Variants in ARIH2 observed in about 807,000 individuals in gnomAD.
ARIH2 encodes E3 ubiquitin-protein ligase ARIH2.
ARIH2 carries 12 observed loss-of-function variants against 79.8 expected under a neutral mutation model. The observed-to-expected ratio is 0.15, with a 90% CI of 0.10 to 0.24. ARIH2 has a LOEUF of 0.24. ARIH2 is among the 10% of genes least tolerant of loss of function. ARIH2 has a pLI of 1.00. For synonymous variants in ARIH2, 224 were observed against 213.9 expected, an observed-to-expected ratio of 1.05 and a Z score of -0.41; for missense variants, 301 against 618.3, an observed-to-expected ratio of 0.49 and a Z score of 5.44.
At chr3:48,945,569 A>G (rs2089006000) in intron 3 of ARIH2, among the ~76,000 whole-genome samples, 1 of 152,072 alleles carries the variant, frequency 6.6e-6, no homozygotes, top group Admixed American at 6.6e-5. Context: ...CCTAAATGTC[A>G]TATGTGCTTA....
chr3:48,969,669 G>A (rs1334543228), intron 7 of ARIH2, among the ~76,000 whole-genome samples: 2 of 151,650 alleles, frequency 1.3e-5, no homozygotes, highest in Non-Finnish European at 2.9e-5. Context: ...TGTATTTTTC[G>A]TAAAGATGGG....
intron 3 of ARIH2, among the ~76,000 whole-genome samples, chr3:48,950,591 A>AT (rs1236154636): frequency 3.9e-5 from 6 of 152,052 alleles, no homozygotes; most frequent in Non-Finnish European, 8.8e-5. Flanking sequence ...TGGGATTTTC[A>AT]TTTTGATTGG....
chr3:48,965,679 G>A (rs1291668848), intron 5 of ARIH2, among the ~76,000 whole-genome samples: 8 of 152,098 alleles, frequency 5.3e-5, no homozygotes, highest in Non-Finnish European at 1.0e-4. Flanking sequence ...ACCCCAGTCC[G>A]GCCAGGCACG....
chr3:48,952,315 G>A (rs943140687), intron 3 of ARIH2, among the ~76,000 whole-genome samples: 5 of 152,276 alleles, frequency 3.3e-5, no homozygotes, highest in Middle Eastern at 6.8e-3. Flanking sequence ...ATTGCTGTGG[G>A]GAGGAATTAG....
At chr3:48,957,463 T>TC (rs2090728570) in intron 3 of ARIH2, among the ~76,000 whole-genome samples, 1 of 152,190 alleles carries the variant, frequency 6.6e-6, no homozygotes, top group Admixed American at 6.5e-5. Flanking sequence ...TGACCCCTGT[T>TC]CTTAGTGTAA....
intron 11 of ARIH2, among the ~76,000 whole-genome samples, chr3:48,975,966 A>G (rs569793586): frequency 3.4e-4 from 52 of 151,992 alleles, no homozygotes; most frequent in African/African-American, 1.2e-3. Context: ...GCTGGAGTGC[A>G]GTGGTGTGAT....
chr3:48,922,688 T>A (rs1433921411), intron 1 of ARIH2, 60 bp from the exon 2 acceptor site: 1 of 152,052 alleles, frequency 6.6e-6, no homozygotes, highest in East Asian at 1.9e-4. Flanking sequence ...AAAAAAAAAA[T>A]AAACTTGCAA....
chr3:48,945,138 C>T (rs959405451), intron 3 of ARIH2: 5 of 1,289,718 alleles, frequency 3.9e-6, no homozygotes, highest in East Asian at 5.6e-5. Context: ...TTTTTCAGGC[C>T]GTTGATGCTC....
intron 1 of ARIH2, among the ~76,000 whole-genome samples, chr3:48,919,887 A>G (rs973780505): frequency 4.6e-5 from 7 of 152,250 alleles, no homozygotes; most frequent in Middle Eastern, 3.4e-3. Flanking sequence ...CAGACTCACT[A>G]AAACTTACGT....
intron 3 of ARIH2, among the ~76,000 whole-genome samples, chr3:48,930,968 T>C (rs1250531597): frequency 1.3e-5 from 2 of 152,228 alleles, no homozygotes; most frequent in Non-Finnish European, 2.9e-5. Context: ...TTGATTCTCA[T>C]GTCTGTGTAC....
chr3:48,925,220 TCTC>T (rs1241004500), intron 2 of ARIH2: 1 of 151,776 alleles, frequency 6.6e-6, no homozygotes, highest in Non-Finnish European at 1.5e-5. Flanking sequence ...TTCACACCAT[TCTC>T]CTGCCTCAGC....
intron 3 of ARIH2, chr3:48,949,186 C>T (rs1036831156): frequency 3.8e-5 from 17 of 441,992 alleles, no homozygotes; most frequent in South Asian, 9.7e-5. Context: ...GGCACGATCT[C>T]GGCTCACTGC....
Position 48,920,897 on chromosome 3 carries a change from A to G in ARIH2, c.-161-1851A>G, listed in dbSNP as rs1368423409. The stretch of plus-strand genomic sequence containing the variant: ...CCAGCAAGACTCTCAAAAAAAAAAA[A>G]AAAGAAAGAAAAGAAAAGAAATATT... On this transcript the variant is annotated intron_variant, in intron 1 of 15. Transcript: ENST00000356401. 2.8e-5 allele frequency among the ~76,000 whole-genome samples: 2 copies of G among 72,496 alleles called. 1 individual carries two copies. Among genetic ancestry groups the G allele is most frequent in the Middle Eastern group, 0.013 (2 of 160 alleles). The allele number at this position is 72,496 out of a possible 152,430, so 47.6% of individuals were successfully genotyped here.
chr3:48,962,292 G>A (rs1470716739), intron 4 of ARIH2, among the ~76,000 whole-genome samples: 2 of 151,804 alleles, frequency 1.3e-5, no homozygotes, highest in African/African-American at 4.8e-5. Context: ...CAAGAGAATC[G>A]CTTAAACCCT....
intron 3 of ARIH2, among the ~76,000 whole-genome samples, chr3:48,941,339 T>C (rs1477233265): frequency 6.6e-6 from 1 of 152,154 alleles, no homozygotes; most frequent in East Asian, 1.9e-4. Context: ...TAGTGCTTTA[T>C]ATATCAAAAA....
In ARIH2 at chr3:48,918,875, G is replaced by T. The variant is rs2106713192; in HGVS notation, c.-285G>T. On this transcript the variant is annotated 5_prime_UTR_variant, in exon 1 of 16. Transcript: ENST00000356401. ...GGGGACGACTCTTCTGGAGGAAGCA[G>T]CGCGGGCTTGACCGGCGTCGGCCCG... The T allele has an allele frequency of 6.2e-6, 10 of 1,609,280 alleles. No individual in the cohort carries two copies. The highest frequency in any genetic ancestry group is 2.2e-5 in the East Asian group (1 of 44,828).
chr3:48,957,809 G>A (rs1393333127), intron 3 of ARIH2, among the ~76,000 whole-genome samples: 2 of 152,068 alleles, frequency 1.3e-5, no homozygotes, highest in Non-Finnish European at 2.9e-5. Context: ...TCCGCCTCCC[G>A]GGTTCAAGCG....
chr3:48,921,942 C>T (rs2084890265), intron 1 of ARIH2, among the ~76,000 whole-genome samples: 1 of 151,918 alleles, frequency 6.6e-6, no homozygotes, highest in Non-Finnish European at 1.5e-5. Context: ...AAATGAGCCA[C>T]GACAGCATGA....
intron 3 of ARIH2, among the ~76,000 whole-genome samples, chr3:48,959,649 C>CAAAAA (rs71077758): frequency 0.026 from 1,279 of 49,598 alleles, no homozygotes; most frequent in East Asian, 0.033. Context: ...TAAAAAATAC[C>CAAAAA]AAAAAAAAAA....
Sources: gnomAD v4.1 joint callset for allele counts (sites outside exome capture counted in the v4.1 genomes callset) on GRCh38, gnomAD v4.1.1 for gene constraint, MANE v1.5 for transcripts, NCBI Gene and HGNC (gene_info 2026-07-23, HGNC 2026-07-21) for gene names.